Variants in SYNE1 observed in about 807,000 individuals in gnomAD.
SYNE1 encodes the protein spectrin repeat containing nuclear envelope protein 1, also known as nesprin-1.
In SYNE1, 616 loss-of-function variants were observed where a neutral mutation model predicts 1,111.0. The observed-to-expected ratio is 0.55, with a 90% CI of 0.52 to 0.59. SYNE1 has a LOEUF of 0.59. Ranked by LOEUF, SYNE1 falls within the 20% of genes least tolerant of loss-of-function variation. SYNE1 has a pLI of 0.00. For missense variants in SYNE1, 10,006 were observed against 10,417.0 expected (o/e 0.96, Z 1.72); for synonymous variants, 3,855 against 3,825.8 (o/e 1.01, Z -0.28).
intron 145 of SYNE1, chr6:152,125,276 T>A (rs754301279): frequency 4.1e-5 from 64 of 1,550,290 alleles, no homozygotes; most frequent in Non-Finnish European, 5.2e-5. Context: ...GTATCTCACA[T>A]GTAGAAGCAA....
chr6:152,540,142 C>T (rs2099262459), intron 3 of SYNE1, 121 bp from the exon 4 acceptor site: 1 of 979,822 alleles, frequency 1.0e-6, no homozygotes, highest in Non-Finnish European at 1.6e-6. Flanking sequence ...TTCATTTTAC[C>T]AATTATTGTC....
At chr6:152,610,869 C>A (rs1342234549) in intron 3 of SYNE1, among the ~76,000 whole-genome samples, 1 of 152,146 alleles carries the variant, frequency 6.6e-6, no homozygotes. Flanking sequence ...AATTTTCAAC[C>A]CAGAATTTCA....
intron 3 of SYNE1, among the ~76,000 whole-genome samples, chr6:152,554,237 G>A (rs1435365098): frequency 6.6e-6 from 1 of 151,888 alleles, no homozygotes; most frequent in Non-Finnish European, 1.5e-5. Context: ...TAGCAGCACG[G>A]TCCCAATAAT....
At chr6:152,298,734 C>T (rs1323561802) in intron 93 of SYNE1, among the ~76,000 whole-genome samples, 1 of 152,110 alleles carries the variant, frequency 6.6e-6, no homozygotes, top group Non-Finnish European at 1.5e-5. Flanking sequence ...AAATCCAGTG[C>T]ATCACCGGTC....
chr6:152,337,481 G>T (rs1283047649), intron 75 of SYNE1, among the ~76,000 whole-genome samples: 1 of 152,150 alleles, frequency 6.6e-6, no homozygotes, highest in Non-Finnish European at 1.5e-5. Context: ...TAGAGACAGG[G>T]TTTCTCTACG....
chr6:152,320,137 G>A (rs1361075479), intron 84 of SYNE1: 2 of 152,160 alleles, frequency 1.3e-5, no homozygotes, highest in African/African-American at 2.4e-5. Flanking sequence ...CAGCCTGGGG[G>A]ACAGAGCGAG....
Position 152,458,889 on chromosome 6 carries a change from C to G in SYNE1, c.2436G>C (p.Gln812His), listed in dbSNP as rs2098714147. The change falls in exon 22 of 146, where the codon CAG (glutamine) becomes CAC (histidine). Residue 812 changes from glutamine (Q) to histidine (H), a missense_variant. Physicochemically the swap from Gln to His is conservative, Grantham distance 24. This residue lies in a region of SYNE1 where 1,971 missense variants were observed against 2,084.1 expected (regional missense o/e 0.95). Transcript: ENST00000367255. ...CTAATTCCTCCAACGGAATCAACAG[C>G]TGCTGAGACTCATAAAGGAGTGGGG... The part of the protein sequence containing the change: ...CYSPLLYESQ[Q>H]LLIPLEELEK... 4.3e-6 allele frequency: 7 copies of G among 1,614,062 alleles called. No individual in the cohort carries two copies. The highest frequency in any genetic ancestry group is 5.9e-6 in the Non-Finnish European group (7 of 1,179,972).
intron 60 of SYNE1, 139 bp from the exon 61 acceptor site, chr6:152,369,266 A>G (rs537904887): frequency 3.0e-6 from 4 of 1,334,950 alleles, no homozygotes; most frequent in Non-Finnish European, 4.1e-6. Context: ...CAATCTACAC[A>G]CCGTGGAGCA....
At chr6:152,542,029 C>A (rs1243317837) in intron 3 of SYNE1, among the ~76,000 whole-genome samples, 1 of 152,132 alleles carries the variant, frequency 6.6e-6, no homozygotes, top group East Asian at 1.9e-4. Context: ...TTATCCACCC[C>A]ACCAGCATGT....
chr6:152,558,491 T>C (rs1004459046), intron 3 of SYNE1, among the ~76,000 whole-genome samples: 1 of 152,158 alleles, frequency 6.6e-6, no homozygotes, highest in African/African-American at 2.4e-5. Context: ...AGTAAAGTTA[T>C]GGATTAAGAA....
Position 152,176,480 on chromosome 6 carries a change from G to C in SYNE1, c.23541C>G (p.Ser7847Arg). ...QQMGERLAKA[S>R]HESKASEIEY... The stretch of plus-strand genomic sequence containing the variant: ...CAATCTCAGATGCTTTGCTTTCATG[G>C]CTGGCTTTAGCAAGTCGTTCTCCCA... The change falls in exon 130 of 146, where the codon AGC becomes AGG. Residue 7847 changes from serine (S) to arginine (R), a missense_variant. Coordinates refer to ENST00000367255, the MANE Select transcript of SYNE1 (RefSeq NM_182961.4). The C allele has an allele frequency of 6.2e-7, 1 of 1,614,106 alleles. No individual in the cohort carries two copies.
chr6:152,392,243 AT>A (rs1330420227), intron 51 of SYNE1, among the ~76,000 whole-genome samples: 1 of 151,986 alleles, frequency 6.6e-6, no homozygotes, highest in East Asian at 1.9e-4. Context: ...CCAACACAAT[AT>A]TGTGCAGAGA....
chr6:152,359,233 T>C, intron 65 of SYNE1, 82 bp downstream of exon 65: 1 of 1,585,094 alleles, frequency 6.3e-7, no homozygotes, highest in East Asian at 2.2e-5. Context: ...CTGTCATTCT[T>C]GAACATAAAT....
At chr6:152,439,119 T>C (rs2098503773) in intron 32 of SYNE1, among the ~76,000 whole-genome samples, 1 of 152,240 alleles carries the variant, frequency 6.6e-6, no homozygotes. Flanking sequence ...ATTCGGCATA[T>C]TATATGTGTT....
chr6:152,387,559 A>G (rs2097543347), intron 53 of SYNE1, among the ~76,000 whole-genome samples, 178 bp from the exon 54 acceptor site: 2 of 152,334 alleles, frequency 1.3e-5, no homozygotes, highest in South Asian at 4.1e-4. Flanking sequence ...GATCCTTACC[A>G]CAGGTCCTTT....
intron 51 of SYNE1, among the ~76,000 whole-genome samples, chr6:152,395,034 C>T (rs1342407151): frequency 4.0e-5 from 6 of 151,892 alleles, no homozygotes; most frequent in African/African-American, 1.2e-4. Flanking sequence ...CTGCCTGCCT[C>T]GGCCTCCCAA....
At chr6:152,306,426 C>G (rs906862884) in intron 91 of SYNE1, among the ~76,000 whole-genome samples, 1 of 151,816 alleles carries the variant, frequency 6.6e-6, no homozygotes, top group African/African-American at 2.4e-5. Flanking sequence ...GTGGAAGTTG[C>G]AGTGGGCCAA....
chr6:152,609,055 C>T (rs2099623941), intron 3 of SYNE1, among the ~76,000 whole-genome samples: 1 of 152,092 alleles, frequency 6.6e-6, no homozygotes, highest in Admixed American at 6.5e-5. Context: ...GTGATCGACA[C>T]AGAAGACGGG....
intron 3 of SYNE1, among the ~76,000 whole-genome samples, chr6:152,591,506 A>C (rs1192613848): frequency 6.6e-6 from 1 of 152,212 alleles, no homozygotes; most frequent in Admixed American, 6.5e-5. Flanking sequence ...TACAAAAATT[A>C]ACTCAAAATA....
Sources: allele counts gnomAD v4.1 joint callset (sites outside exome capture counted in the v4.1 genomes callset), GRCh38; gene constraint gnomAD v4.1.1; regional missense constraint gnomAD v4.1.1; transcripts MANE v1.5; gene names NCBI Gene and HGNC (gene_info 2026-07-23, HGNC 2026-07-21).